NELL1: variants seen among roughly 807,000 people sequenced by gnomAD.
NELL1 encodes the protein protein kinase C-binding protein NELL1.
Under a neutral mutation model 107.4 loss-of-function variants are expected in NELL1, and 76 were observed. The observed-to-expected ratio is 0.71, with a 90% CI of 0.59 to 0.86. The LOEUF is 0.86. Among genes scored for constraint, NELL1 ranks in the 40% least tolerant of loss-of-function variants. NELL1 has a pLI of 0.00. For synonymous variants in NELL1, 353 were observed against 341.2 expected (o/e 1.03, Z -0.38); for missense variants, 1,024 against 1,005.5 (o/e 1.02, Z -0.25).
chr11:21,313,674 G>C (rs1195202563), intron 14 of NELL1, among the ~76,000 whole-genome samples: 1 of 152,128 alleles, frequency 6.6e-6, no homozygotes, highest in Non-Finnish European at 1.5e-5. Context: ...GCTGGTGGGG[G>C]CTCACAGCAG....
At chr11:20,887,898 G>C (rs1486911440) in intron 5 of NELL1, among the ~76,000 whole-genome samples, 2 of 151,940 alleles carry the variant, frequency 1.3e-5, no homozygotes, top group Non-Finnish European at 2.9e-5. Flanking sequence ...AATGACAGTG[G>C]AAAGAAACAA....
intron 14 of NELL1, among the ~76,000 whole-genome samples, chr11:21,277,623 A>C (rs956093474): frequency 1.3e-5 from 2 of 152,242 alleles, no homozygotes; most frequent in Non-Finnish European, 2.9e-5. Flanking sequence ...GGCACTATTC[A>C]TAATAGCAAA....
At chr11:21,317,146 A>G (rs1405633609) in intron 14 of NELL1, among the ~76,000 whole-genome samples, 3 of 152,060 alleles carry the variant, frequency 2.0e-5, no homozygotes, top group African/African-American at 4.8e-5. Context: ...CTGAGACTAG[A>G]GCAAGAATTT....
chr11:20,908,787 A>G (rs897578799), intron 5 of NELL1, among the ~76,000 whole-genome samples: 2 of 152,234 alleles, frequency 1.3e-5, no homozygotes, highest in African/African-American at 2.4e-5. Context: ...CAAAAATTTA[A>G]ACACAGAATT....
chr11:21,447,909 C>G (rs994001241), intron 15 of NELL1, among the ~76,000 whole-genome samples: 2 of 152,168 alleles, frequency 1.3e-5, no homozygotes, highest in African/African-American at 4.8e-5. Context: ...GTTCTGACCA[C>G]TGCAATGAGC....
intron 15 of NELL1, among the ~76,000 whole-genome samples, chr11:21,528,075 G>C (rs1463548533): frequency 6.6e-6 from 1 of 152,144 alleles, no homozygotes; most frequent in Non-Finnish European, 1.5e-5. Context: ...GGCCATAAAT[G>C]CACAGTCCTT....
chr11:21,029,919 C>A lies in NELL1; in HGVS notation c.1300+69359C>A, dbSNP rs192625068. ...TTATTTTGATGGCAGGCGCATTATA[C>A]CTGAAAACAAGATTGAAGATCTTAA... On this transcript the variant is annotated intron_variant, in intron 12 of 19. Transcript: ENST00000357134. 1.9e-3 allele frequency among the ~76,000 whole-genome samples: 290 copies of A among 152,228 alleles called. 4 individuals carry two copies. The highest frequency in any genetic ancestry group is 6.5e-3 in the African/African-American group (271 of 41,532).
At chr11:20,891,926 A>G (rs1292599720) in intron 5 of NELL1, among the ~76,000 whole-genome samples, 1 of 152,188 alleles carries the variant, frequency 6.6e-6, no homozygotes, top group Admixed American at 6.5e-5. Flanking sequence ...AGAGACTTTA[A>G]CACCCCACTG....
chr11:21,470,877 A>G, intron 15 of NELL1, among the ~76,000 whole-genome samples: 1 of 152,122 alleles, frequency 6.6e-6, no homozygotes, highest in East Asian at 1.9e-4. Context: ...CTGAGAATCA[A>G]TTTTCTCATT....
chr11:20,891,487 G>T (rs1310521327), intron 5 of NELL1, among the ~76,000 whole-genome samples: 1 of 152,150 alleles, frequency 6.6e-6, no homozygotes, highest in African/African-American at 2.4e-5. Flanking sequence ...ACATCATGAT[G>T]ACAGGATCAA....
intron 15 of NELL1, among the ~76,000 whole-genome samples, chr11:21,436,334 T>A (rs1190336544): frequency 6.6e-6 from 1 of 152,194 alleles, no homozygotes; most frequent in African/African-American, 2.4e-5. Flanking sequence ...ATTACAGGCA[T>A]GAACCACTGT....
chr11:21,153,659 C>T (rs1856169114), intron 13 of NELL1, among the ~76,000 whole-genome samples: 1 of 152,156 alleles, frequency 6.6e-6, no homozygotes, highest in African/African-American at 2.4e-5. Flanking sequence ...CACTTACTAT[C>T]ACTCTTGGCC....
At chr11:21,008,969 C>T (rs371130594) in intron 12 of NELL1, among the ~76,000 whole-genome samples, 22 of 152,074 alleles carry the variant, frequency 1.4e-4, no homozygotes, top group African/African-American at 3.6e-4. Flanking sequence ...GAGTCTCCAA[C>T]GGGATCCAAT....
intron 2 of NELL1, among the ~76,000 whole-genome samples, chr11:20,756,685 TA>T (rs60068021): frequency 0.82 from 124,427 of 151,736 alleles, 51,143 homozygotes; most frequent in Middle Eastern, 0.91. Flanking sequence ...TGATGGGGTC[TA>T]TCTTATGCTT....
At chr11:20,780,392 A>C (rs546186298) in intron 2 of NELL1, among the ~76,000 whole-genome samples, 6 of 152,220 alleles carry the variant, frequency 3.9e-5, no homozygotes, top group Non-Finnish European at 8.8e-5. Flanking sequence ...TATAATATAT[A>C]TGGTTACTTG....
intron 15 of NELL1, among the ~76,000 whole-genome samples, chr11:21,400,408 A>C (rs1852071554): frequency 6.6e-6 from 1 of 151,904 alleles, no homozygotes; most frequent in South Asian, 2.1e-4. Flanking sequence ...TCTCTATTTT[A>C]GAGCCAATTA....
intron 12 of NELL1, among the ~76,000 whole-genome samples, chr11:21,066,969 G>GTAAATAAATAAA (rs10542680): frequency 0.13 from 19,952 of 148,326 alleles, 1,626 homozygotes; most frequent in East Asian, 0.33. Flanking sequence ...AATTTAAAAA[G>GTAAATAAATAAA]TAAATAAATA....
chr11:20,766,666 G>A (rs1227801474), intron 2 of NELL1, among the ~76,000 whole-genome samples: 1 of 152,018 alleles, frequency 6.6e-6, no homozygotes, highest in Admixed American at 6.5e-5. Flanking sequence ...TCTTTGACTG[G>A]ATGGAGAAAA....
intron 13 of NELL1, among the ~76,000 whole-genome samples, chr11:21,227,411 G>A (rs1000010429): frequency 1.3e-5 from 2 of 151,974 alleles, no homozygotes; most frequent in Non-Finnish European, 2.9e-5. Context: ...TCTGTGTTCC[G>A]GTTAGTTACC....
Sources: gnomAD v4.1 joint callset for allele counts (sites outside exome capture counted in the v4.1 genomes callset) on GRCh38, gnomAD v4.1.1 for gene constraint, MANE v1.5 for transcripts, NCBI Gene and HGNC (gene_info 2026-07-23, HGNC 2026-07-21) for gene names.